PALM2AKAP2: variants seen among roughly 807,000 people sequenced by gnomAD.
PALM2AKAP2 encodes the protein PALM2-AKAP2 fusion protein.
A neutral mutation model predicts 71.5 loss-of-function variants in PALM2AKAP2; 37 were observed. The ratio of observed to expected loss-of-function variants is 0.52; its 90% CI spans 0.40 to 0.68. The LOEUF (loss-of-function observed/expected upper bound fraction) is 0.68. Ranked by LOEUF, PALM2AKAP2 falls within the 30% of genes least tolerant of loss-of-function variation. PALM2AKAP2 has a pLI of 0.00. For synonymous variants in PALM2AKAP2, 468 were observed against 478.8 expected (o/e 0.98, Z 0.29); for missense variants, 1,224 against 1,191.8 (o/e 1.03, Z -0.40).
chr9:109,766,130 G>A (rs1006388313), intron 1 of PALM2AKAP2, among the ~76,000 whole-genome samples: 1 of 152,194 alleles, frequency 6.6e-6, no homozygotes, highest in African/African-American at 2.4e-5. Context: ...CTTTCGGAAA[G>A]CACTTAAGGA....
intron 6 of PALM2AKAP2, among the ~76,000 whole-genome samples, chr9:109,971,283 CTTTT>C (rs11392589): frequency 1.9e-3 from 86 of 45,668 alleles, no homozygotes; most frequent in African/African-American, 0.01. Context: ...CTCTTAGTCC[CTTTT>C]TTTTTTTTTT....
At chr9:110,081,407 C>T (rs1208870854) in intron 1 of PALM2AKAP2, among the ~76,000 whole-genome samples, 7 of 152,216 alleles carry the variant, frequency 4.6e-5, no homozygotes, top group Non-Finnish European at 1.0e-4. Flanking sequence ...AGGGGTGGGA[C>T]TAGAATTGTG....
chr9:109,904,199 G>T (rs1830392261), intron 3 of PALM2AKAP2, among the ~76,000 whole-genome samples: 1 of 152,200 alleles, frequency 6.6e-6, no homozygotes, highest in African/African-American at 2.4e-5. Flanking sequence ...TAACTTTGAT[G>T]TAGGTATTCC....
intron 7 of PALM2AKAP2, among the ~76,000 whole-genome samples, chr9:110,037,154 T>TACATGA (rs1329424050): frequency 6.6e-6 from 1 of 152,172 alleles, no homozygotes; most frequent in Non-Finnish European, 1.5e-5. Context: ...GGTTGTAAGC[T>TACATGA]ACATGAACAT....
At chr9:110,096,795 G>A (rs950159487) in intron 1 of PALM2AKAP2, among the ~76,000 whole-genome samples, 2 of 151,748 alleles carry the variant, frequency 1.3e-5, no homozygotes, top group Non-Finnish European at 1.5e-5. Flanking sequence ...GGGGTTGGGG[G>A]GGGGTGAGTC....
chr9:109,904,402 T>G (rs1830398006), intron 3 of PALM2AKAP2, among the ~76,000 whole-genome samples: 1 of 152,212 alleles, frequency 6.6e-6, no homozygotes, highest in Admixed American at 6.5e-5. Flanking sequence ...TATTATGACT[T>G]GGGTTTCATG....
intron 6 of PALM2AKAP2, among the ~76,000 whole-genome samples, chr9:109,933,516 G>A (rs1451236137): frequency 2.0e-5 from 3 of 152,152 alleles, no homozygotes; most frequent in Non-Finnish European, 2.9e-5. Flanking sequence ...AATTTTAAGA[G>A]ACAGAAAAAG....
intron 1 of PALM2AKAP2, among the ~76,000 whole-genome samples, chr9:110,098,358 GTTACCT>G (rs1328453634): frequency 6.6e-6 from 1 of 152,168 alleles, no homozygotes; most frequent in Admixed American, 6.5e-5. Flanking sequence ...TTAAAGCCAT[GTTACCT>G]TTAAACTTCC....
intron 6 of PALM2AKAP2, chr9:109,945,225 G>T (rs1368793379): frequency 6.6e-6 from 1 of 151,830 alleles, no homozygotes; most frequent in Non-Finnish European, 1.5e-5. Context: ...AGCACAAAAT[G>T]GGTCATTTTA....
At chr9:110,141,260 G>A (rs1480138959) in intron 2 of PALM2AKAP2, among the ~76,000 whole-genome samples, 3 of 152,084 alleles carry the variant, frequency 2.0e-5, no homozygotes, top group Non-Finnish European at 2.9e-5. Context: ...CTATGCTAAT[G>A]CTGATCTCTT....
chr9:110,017,100 C>T (rs961276116), intron 7 of PALM2AKAP2, among the ~76,000 whole-genome samples: 6 of 152,158 alleles, frequency 3.9e-5, no homozygotes, highest in Admixed American at 3.3e-4. Flanking sequence ...AGGATGGTCT[C>T]GATCTCCTGA....
chr9:110,070,993 C>G (rs1324819754), intron 1 of PALM2AKAP2, among the ~76,000 whole-genome samples: 3 of 151,794 alleles, frequency 2.0e-5, no homozygotes, highest in Non-Finnish European at 4.4e-5. Context: ...GAAACCCCGC[C>G]TCTACTAAAA....
chr9:109,651,863 T>C (rs979428838), intron 1 of PALM2AKAP2, among the ~76,000 whole-genome samples: 3 of 152,194 alleles, frequency 2.0e-5, no homozygotes, highest in Non-Finnish European at 2.9e-5. Context: ...TTAATCAAAA[T>C]TTTATTTTAT....
chr9:109,848,812 T>C (rs929201283), intron 1 of PALM2AKAP2, among the ~76,000 whole-genome samples: 8 of 148,934 alleles, frequency 5.4e-5, no homozygotes, highest in African/African-American at 2.0e-4. Context: ...GGTGTTGTGA[T>C]GGAGGCTGAG....
intron 6 of PALM2AKAP2, chr9:109,945,561 A>G (rs1388346383): frequency 2.0e-5 from 3 of 152,232 alleles, no homozygotes; most frequent in Admixed American, 6.5e-5. Flanking sequence ...GGGAGAAAAC[A>G]GTTTCAATGT....
chr9:110,048,353 C>T (rs1193730625), upstream of PALM2AKAP2, among the ~76,000 whole-genome samples: 1 of 152,180 alleles, frequency 6.6e-6, no homozygotes, highest in Admixed American at 6.5e-5. Flanking sequence ...CACACAGCGA[C>T]ACGCCACCCC....
chr9:109,867,766 C>G (rs1268428723), intron 2 of PALM2AKAP2, among the ~76,000 whole-genome samples, 195 bp downstream of exon 2: 1 of 152,156 alleles, frequency 6.6e-6, no homozygotes, highest in Non-Finnish European at 1.5e-5. Flanking sequence ...ATTCCAATTT[C>G]TGCAAGCATA....
Position 109,691,879 on chromosome 9 carries a change from CACATATAT to C in PALM2AKAP2, c.5+51015_5+51022del, listed in dbSNP as rs1366156398. Among the ~76,000 whole-genome samples the C allele has an allele frequency of 2.4e-4, 12 of 50,508 alleles. 1 individual carries two copies. The highest frequency in any genetic ancestry group is 6.7e-4 in the Admixed American group (3 of 4,480). The allele number at this position is 50,508 out of a possible 152,430, so 33.1% of individuals were successfully genotyped here. A position where few individuals can be genotyped will look rare whatever the true frequency, so the allele number is the denominator to read the frequency against. On this transcript the variant is annotated intron_variant, in intron 1 of 6. Coordinates refer to the PALM2AKAP2 transcript ENST00000374531. ...ATATATATATATATACACACACACA[CACATATAT>C]ATATATATATATATACACACACACA...
chr9:109,760,260 C>T (rs1040393411), intron 1 of PALM2AKAP2: 2 of 151,722 alleles, frequency 1.3e-5, no homozygotes, highest in Non-Finnish European at 1.5e-5. Context: ...GACTTGCTCA[C>T]CAAAATCATG....
Sources: gnomAD v4.1 joint callset for allele counts (sites outside exome capture counted in the v4.1 genomes callset) on GRCh38, gnomAD v4.1.1 for gene constraint, MANE v1.5 for transcripts, NCBI Gene and HGNC (gene_info 2026-07-23, HGNC 2026-07-21) for gene names.